PTBP2: variants seen among roughly 807,000 people sequenced by gnomAD.
PTBP2 encodes the protein polypyrimidine tract binding protein 2, also known as polypyrimidine tract-binding protein 2.
A neutral mutation model predicts 61.4 loss-of-function variants in PTBP2; 13 were observed. The observed-to-expected ratio is 0.21, with a 90% confidence interval of 0.14 to 0.34. The LOEUF (loss-of-function observed/expected upper bound fraction) is 0.34. Ranked by LOEUF, PTBP2 falls within the 10% of genes least tolerant of loss-of-function variation. PTBP2 has a pLI of 1.00. For missense variants in PTBP2, 405 were observed against 642.6 expected (o/e 0.63, Z 4.00); for synonymous variants, 215 against 218.5 (o/e 0.98, Z 0.14).
At chr1:96,724,850 G>C (rs558899288) in intron 2 of PTBP2, among the ~76,000 whole-genome samples, 1 of 152,122 alleles carries the variant, frequency 6.6e-6, no homozygotes, top group African/African-American at 2.4e-5. Flanking sequence ...AAAACTTAAA[G>C]TATAATAATG....
At chr1:96,766,969 G>T (rs1036045518) in intron 3 of PTBP2, among the ~76,000 whole-genome samples, 6 of 152,054 alleles carry the variant, frequency 3.9e-5, no homozygotes, top group African/African-American at 1.4e-4. Flanking sequence ...CTAATCTTGG[G>T]CATTTAACTA....
intron 2 of PTBP2, among the ~76,000 whole-genome samples, chr1:96,726,055 A>C (rs1650419619): frequency 3.2e-5 from 4 of 124,906 alleles, no homozygotes; most frequent in Non-Finnish European, 6.4e-5. Context: ...AGCCTGGGCG[A>C]CAGAGACAGA....
intron 2 of PTBP2, among the ~76,000 whole-genome samples, chr1:96,734,917 T>TTTTTTTTTTC (rs1557689561): frequency 2.0e-5 from 3 of 148,902 alleles, no homozygotes; most frequent in Non-Finnish European, 3.0e-5. Flanking sequence ...TTTTTTTTTT[T>TTTTTTTTTTC]TTTTTCCTGC....
chr1:96,775,832 G>T (rs1047443254), intron 5 of PTBP2, among the ~76,000 whole-genome samples: 1 of 152,044 alleles, frequency 6.6e-6, no homozygotes, highest in Non-Finnish European at 1.5e-5. Context: ...ATTTGTTACT[G>T]ATGTGAGAGA....
chr1:96,762,674 A>AC (rs547755710), intron 3 of PTBP2, among the ~76,000 whole-genome samples: 6,194 of 118,104 alleles, frequency 0.052, 392 homozygotes, highest in African/African-American at 0.18. Flanking sequence ...CGGGGGTCTG[A>AC]CCCCCCCACC....
intron 4 of PTBP2, 108 bp from the exon 5 acceptor site, chr1:96,770,600 T>C: frequency 2.0e-6 from 2 of 1,001,984 alleles, no homozygotes; most frequent in East Asian, 5.3e-5. Context: ...AAAAGTAACC[T>C]GAAGGATTAT....
chr1:96,804,747 G>A (rs1433367643), intron 8 of PTBP2, 53 bp from the exon 9 acceptor site: 1 of 1,544,264 alleles, frequency 6.5e-7, no homozygotes, highest in Non-Finnish European at 8.8e-7. Flanking sequence ...TAAACGACTT[G>A]TGTGTGTTTC....
chr1:96,770,898 G>T, intron 5 of PTBP2, 47 bp downstream of exon 5: 1 of 1,452,160 alleles, frequency 6.9e-7, no homozygotes. Context: ...AACATATTAT[G>T]AATCTCATAA....
intron 8 of PTBP2, among the ~76,000 whole-genome samples, chr1:96,787,828 T>A (rs534429000): frequency 6.6e-6 from 1 of 152,200 alleles, no homozygotes; most frequent in Admixed American, 6.5e-5. Context: ...GCCATACCTT[T>A]GAAAGTGGAC....
chr1:96,783,001 AG>A (rs1374454899), intron 7 of PTBP2, among the ~76,000 whole-genome samples: 5 of 151,890 alleles, frequency 3.3e-5, no homozygotes, highest in African/African-American at 9.7e-5. Context: ...CACATTTGGA[AG>A]GTCTTTCTGC....
rs953143304 is a variant in PTBP2, at chr1:96,802,835, C to T, written c.905-1965C>T. On this transcript the variant is annotated intron_variant, in intron 8 of 13. Transcript: ENST00000674951. ...GAATGATGTAACAATATAATGACTA[C>T]ATCTGGAGTTTCTGCTACTAATAAA... is the stretch of plus-strand genomic sequence containing the variant. Among the ~76,000 whole-genome samples the T allele has an allele frequency of 5.8e-4, 89 of 152,150 alleles. 1 individual carries two copies. The highest frequency in any genetic ancestry group is 3.9e-4 in the Admixed American group (6 of 15,280).
intron 2 of PTBP2, among the ~76,000 whole-genome samples, chr1:96,725,606 C>T (rs915945612): frequency 1.3e-5 from 2 of 151,856 alleles, no homozygotes; most frequent in African/African-American, 4.8e-5. Flanking sequence ...AATTGCAAAT[C>T]GTTTTTAAAA....
chr1:96,759,981 G>T (rs967991821), intron 3 of PTBP2, among the ~76,000 whole-genome samples: 3 of 152,130 alleles, frequency 2.0e-5, no homozygotes, highest in Admixed American at 2.0e-4. Context: ...CTTGTGCGGG[G>T]AAACTCTCCC....
intron 5 of PTBP2, among the ~76,000 whole-genome samples, chr1:96,772,637 T>G: frequency 6.6e-6 from 1 of 152,196 alleles, no homozygotes; most frequent in Non-Finnish European, 1.5e-5. Context: ...GTTCAGCTTT[T>G]TTAGATTACA....
chr1:96,740,727 A>G (rs935655256), intron 2 of PTBP2, among the ~76,000 whole-genome samples: 4 of 152,082 alleles, frequency 2.6e-5, no homozygotes, highest in African/African-American at 7.2e-5. Flanking sequence ...TAGATGTACT[A>G]TCATGCTGTA....
intron 8 of PTBP2, among the ~76,000 whole-genome samples, chr1:96,790,249 G>A (rs1659643690): frequency 6.6e-6 from 1 of 151,490 alleles, no homozygotes; most frequent in Non-Finnish European, 1.5e-5. Context: ...TAGTTCCAAA[G>A]GCTTGATAAG....
intron 2 of PTBP2, among the ~76,000 whole-genome samples, chr1:96,727,905 T>C (rs998689932): frequency 8.5e-5 from 13 of 152,176 alleles, no homozygotes; most frequent in African/African-American, 3.1e-4. Flanking sequence ...TTTTCTTTTA[T>C]GGATTGTAGT....
intron 2 of PTBP2, among the ~76,000 whole-genome samples, chr1:96,733,694 A>G (rs1193871429): frequency 1.3e-5 from 2 of 152,166 alleles, no homozygotes; most frequent in Non-Finnish European, 2.9e-5. Flanking sequence ...GGCTTTCCTG[A>G]GGGTCAAATG....
intron 8 of PTBP2, among the ~76,000 whole-genome samples, chr1:96,797,461 T>A (rs1277419758): frequency 6.6e-6 from 1 of 152,108 alleles, no homozygotes; most frequent in Non-Finnish European, 1.5e-5. Context: ...AGGATTGAAT[T>A]GTTTCAAGAA....
Sources: gnomAD v4.1 joint callset for allele counts (sites outside exome capture counted in the v4.1 genomes callset) on GRCh38, gnomAD v4.1.1 for gene constraint, MANE v1.5 for transcripts, NCBI Gene and HGNC (gene_info 2026-07-23, HGNC 2026-07-21) for gene names.